Variants in MAP3K1 observed in about 807,000 individuals in gnomAD.
MAP3K1 encodes mitogen-activated protein kinase kinase kinase 1.
In MAP3K1, 36 loss-of-function variants were observed where a neutral mutation model predicts 144.2. The ratio of observed to expected loss-of-function variants is 0.25; its 90% CI spans 0.19 to 0.33. The LOEUF is 0.33. MAP3K1 is among the 10% of genes least tolerant of loss of function. The pLI is 1.00. For synonymous variants in MAP3K1, 718 were observed against 688.7 expected, an observed-to-expected ratio of 1.04 and a Z score of -0.67; for missense variants, 1,650 against 1,881.9, an observed-to-expected ratio of 0.88 and a Z score of 2.28.
intron 1 of MAP3K1, among the ~76,000 whole-genome samples, chr5:56,835,296 A>G (rs988898577): frequency 1.3e-5 from 2 of 151,526 alleles, no homozygotes; most frequent in Middle Eastern, 3.2e-3. Context: ...ACAGGAAGGC[A>G]GGGAAGAGGA....
intron 8 of MAP3K1, 22 bp downstream of exon 8, chr5:56,872,744 G>A (rs2053696): frequency 0.019 from 30,737 of 1,590,388 alleles, 362 homozygotes; most frequent in Non-Finnish European, 0.023. Context: ...GAAATGATAC[G>A]GATATGTTTA....
chr5:56,877,520 ATTT>A (rs35084924), intron 10 of MAP3K1, among the ~76,000 whole-genome samples: 255 of 136,394 alleles, frequency 1.9e-3, no homozygotes, highest in Non-Finnish European at 2.3e-3. Context: ...TGCATATATA[ATTT>A]TTTTTTTTTT....
chr5:56,854,728 T>C (rs1041188752), intron 1 of MAP3K1, among the ~76,000 whole-genome samples: 2 of 152,164 alleles, frequency 1.3e-5, no homozygotes, highest in Non-Finnish European at 2.9e-5. Context: ...GAACAGAAAC[T>C]GAAAATCCAT....
chr5:56,877,825 C>G (rs1748087301), intron 10 of MAP3K1, among the ~76,000 whole-genome samples: 1 of 152,100 alleles, frequency 6.6e-6, no homozygotes, highest in Non-Finnish European at 1.5e-5. Context: ...TCACCATGTC[C>G]CCTTAATGTC....
In MAP3K1 at chr5:56,894,490, C is replaced by T. The variant is rs1184547348; in HGVS notation, c.*810C>T. 1 of 232,380 alleles carries T rather than the reference C, an allele frequency of 4.3e-6. No homozygotes were observed. Among genetic ancestry groups the T allele is most frequent in the Non-Finnish European group, 8.5e-6 (1 of 117,664 alleles). 14.4% of individuals were successfully genotyped at this position (232,380 alleles called of 1,614,324 possible). A position where few individuals can be genotyped will look rare whatever the true frequency, so the allele number is the denominator to read the frequency against. ...TTGGAATACAATAAAGTACTACCTA[C>T]ATTTGAGTCAGTCACCACTCTTATT... On this transcript the variant is annotated 3_prime_UTR_variant, in exon 20 of 20. Transcript: ENST00000399503.
At chr5:56,854,977 T>C (rs1334305204) in intron 1 of MAP3K1, among the ~76,000 whole-genome samples, 2 of 152,188 alleles carry the variant, frequency 1.3e-5, no homozygotes, top group East Asian at 3.9e-4. Context: ...GAATTTTTAT[T>C]ATGCAGTCAC....
In MAP3K1 at chr5:56,875,262, G is replaced by A. The variant is rs2229883; in HGVS notation, c.1917G>A (p.Leu639=). The part of the protein sequence containing the change: ...GDVVEACCSV[L]SMVCADPVYK... The stretch of plus-strand genomic sequence containing the variant: ...TGGTGGAGGCATGCTGCAGCGTTCT[G>A]TCAATGGTCTGTGCTGACCCTGTCT... The change falls in exon 10 of 20, where the codon CTG becomes CTA. Residue 639 remains leucine, a synonymous_variant. Coordinates refer to ENST00000399503, the MANE Select transcript of MAP3K1 (RefSeq NM_005921.2). The A allele has an allele frequency of 1.7e-3, 2,769 of 1,614,132 alleles. 31 individuals carry two copies. The African/African-American group carries it at 0.025, about 15-fold the overall frequency.
chr5:56,859,502 T>C (rs1395441939), intron 2 of MAP3K1, among the ~76,000 whole-genome samples: 2 of 152,188 alleles, frequency 1.3e-5, no homozygotes, highest in Non-Finnish European at 2.9e-5. Context: ...TTTTAACTAG[T>C]GTTAAATCCT....
At chr5:56,816,148 T>TCAGCG in intron 1 of MAP3K1, 93 bp downstream of exon 1, 1 of 1,128,600 alleles carries the variant, frequency 8.9e-7, no homozygotes, top group Non-Finnish European at 1.1e-6. Flanking sequence ...GTCCCGGGGT[T>TCAGCG]CAGCGCAGCG....
At chr5:56,868,862 G>T (rs1023514295) in intron 6 of MAP3K1, among the ~76,000 whole-genome samples, 1 of 152,150 alleles carries the variant, frequency 6.6e-6, no homozygotes, top group African/African-American at 2.4e-5. Context: ...TATACACATA[G>T]TGGAATATTA....
rs1748622103 is a variant in MAP3K1 at position 56,893,771 on chromosome 5, G to A, written c.*91G>A. On this transcript the variant is annotated 3_prime_UTR_variant, in exon 20 of 20. Transcript: ENST00000399503. ...ACCACATTGATATTCTACTGGCCAT[G>A]ATGCCACTGAACAGCTATGAACGAG... 2.9e-6 allele frequency: 4 copies of A among 1,382,526 alleles called. No individual in the cohort carries two copies. The highest frequency in any genetic ancestry group is 4.0e-6 in the Non-Finnish European group (4 of 990,602). 85.6% of individuals were successfully genotyped at this position (1,382,526 alleles called of 1,614,324 possible).
intron 1 of MAP3K1, chr5:56,820,434 A>G: frequency 4.1e-6 from 4 of 984,768 alleles, no homozygotes; most frequent in Non-Finnish European, 4.8e-6. Context: ...ATAGACCATG[A>G]GCTAGGTCTC....
intron 1 of MAP3K1, among the ~76,000 whole-genome samples, chr5:56,829,074 A>G (rs1236186173): frequency 6.6e-6 from 1 of 152,304 alleles, no homozygotes; most frequent in Admixed American, 6.5e-5. Context: ...ATGACTTTCA[A>G]ATAGACTTGG....
chr5:56,818,875 A>G (rs1156686781), intron 1 of MAP3K1, among the ~76,000 whole-genome samples: 4 of 152,212 alleles, frequency 2.6e-5, no homozygotes, highest in Non-Finnish European at 5.9e-5. Flanking sequence ...TTATATCCTC[A>G]TATAGCCCTC....
intron 6 of MAP3K1, among the ~76,000 whole-genome samples, chr5:56,867,862 C>T (rs2111899782): frequency 6.6e-6 from 1 of 152,206 alleles, no homozygotes; most frequent in Non-Finnish European, 1.5e-5. Flanking sequence ...TATCCAACAG[C>T]AATTGAATGA....
At chr5:56,853,433 G>T (rs1324164362) in intron 1 of MAP3K1, among the ~76,000 whole-genome samples, 3 of 152,122 alleles carry the variant, frequency 2.0e-5, no homozygotes, top group African/African-American at 7.2e-5. Flanking sequence ...TTAAAACTGG[G>T]AAGGCTGTAG....
At chr5:56,840,875 T>G (rs1746791792) in intron 1 of MAP3K1, among the ~76,000 whole-genome samples, 1 of 151,958 alleles carries the variant, frequency 6.6e-6, no homozygotes, top group Non-Finnish European at 1.5e-5. Context: ...TTAAGGTTTT[T>G]TTTTTTTTTT....
intron 1 of MAP3K1, among the ~76,000 whole-genome samples, chr5:56,845,518 C>T (rs1253546108): frequency 6.7e-6 from 1 of 150,172 alleles, no homozygotes; most frequent in Non-Finnish European, 1.5e-5. Context: ...CAACCTACTT[C>T]TCTAGTGTAA....
chr5:56,852,542 T>G (rs565073306), intron 1 of MAP3K1, among the ~76,000 whole-genome samples: 16 of 152,204 alleles, frequency 1.1e-4, no homozygotes, highest in Non-Finnish European at 2.2e-4. Flanking sequence ...AAACAGGAAA[T>G]GAAGATAAAG....
Sources: gnomAD v4.1 joint callset for allele counts (sites outside exome capture counted in the v4.1 genomes callset) on GRCh38, gnomAD v4.1.1 for gene constraint, MANE v1.5 for transcripts, NCBI Gene and HGNC (gene_info 2026-07-23, HGNC 2026-07-21) for gene names.